The following SLC35F4 variants were observed in gnomAD, a reference collection of about 807,000 sequenced individuals.
SLC35F4 encodes the protein solute carrier family 35 member F4, also known as chromosome 14 open reading frame 36.
In SLC35F4, 24 loss-of-function variants were observed where a neutral mutation model predicts 44.2. The observed-to-expected ratio is 0.54, with a 90% CI of 0.39 to 0.76. SLC35F4 has a LOEUF of 0.76. Ranked by LOEUF, SLC35F4 falls within the 30% of genes least tolerant of loss-of-function variation. The pLI is 0.00. For missense variants in SLC35F4, 562 were observed against 586.1 expected, an observed-to-expected ratio of 0.96 and a Z score of 0.42; for synonymous variants, 238 against 223.6, an observed-to-expected ratio of 1.06 and a Z score of -0.57.
chr14:57,719,079 T>A (rs548666638), intron 1 of SLC35F4, among the ~76,000 whole-genome samples: 71 of 152,338 alleles, frequency 4.7e-4, no homozygotes, highest in African/African-American at 1.6e-3. Flanking sequence ...CTCAGCAGCA[T>A]TGATTGAAAA....
At chr14:57,585,330 A>AC (rs1354090468) in intron 3 of SLC35F4, among the ~76,000 whole-genome samples, 2 of 152,140 alleles carry the variant, frequency 1.3e-5, no homozygotes, top group Non-Finnish European at 1.5e-5. Flanking sequence ...TATGGATGGA[A>AC]CGTATCTATC....
chr14:57,755,900 C>T (rs1334841852), intron 1 of SLC35F4, among the ~76,000 whole-genome samples: 3 of 152,214 alleles, frequency 2.0e-5, no homozygotes, highest in African/African-American at 7.2e-5. Context: ...GGAGGCCAGG[C>T]TAGACTCCAT....
At chr14:57,872,503 T>C (rs1448660483) in intron 1 of SLC35F4, among the ~76,000 whole-genome samples, 5 of 152,182 alleles carry the variant, frequency 3.3e-5, no homozygotes, top group African/African-American at 1.2e-4. Flanking sequence ...TTGTCATTGA[T>C]TCACCTAGAC....
At chr14:57,945,129 A>G in intron 1 of SLC35F4, among the ~76,000 whole-genome samples, 1 of 152,196 alleles carries the variant, frequency 6.6e-6, no homozygotes, top group East Asian at 1.9e-4. Flanking sequence ...GCAAAGCCCT[A>G]TTCCCAAATA....
chr14:57,617,189 G>A (rs563895108), intron 1 of SLC35F4, among the ~76,000 whole-genome samples: 34 of 144,158 alleles, frequency 2.4e-4, no homozygotes, highest in African/African-American at 8.2e-4. Context: ...GGAGTGCAGC[G>A]GTGTGATCTC....
In SLC35F4 at chr14:57,703,080, A is replaced by T. The variant is rs181167854; in HGVS notation, c.104-108956T>A. On this transcript the variant is annotated intron_variant, in intron 1 of 7. Transcript: ENST00000556826. ...CTTCTGCTAAGCCAGATGGCACGGC[A>T]GAATAATAGGAAACTAGAACTTTAG... Among the ~76,000 whole-genome samples the T allele has an allele frequency of 1.7e-4, 26 of 152,302 alleles. No homozygotes were observed. The East Asian group carries it at 4.8e-3, about 28-fold the overall frequency.
intron 1 of SLC35F4, among the ~76,000 whole-genome samples, chr14:57,647,295 T>C (rs1749538032): frequency 6.6e-6 from 1 of 152,106 alleles, no homozygotes; most frequent in African/African-American, 2.4e-5. Context: ...GCTTTATGAA[T>C]CTGGGTCCTC....
intron 1 of SLC35F4, among the ~76,000 whole-genome samples, chr14:57,905,749 A>T (rs1276392125): frequency 6.6e-6 from 1 of 152,188 alleles, no homozygotes; most frequent in African/African-American, 2.4e-5. Context: ...TTAAAGAAAG[A>T]TGCTTTTACA....
At chr14:57,879,685 T>A (rs149366185) in intron 1 of SLC35F4, among the ~76,000 whole-genome samples, 3 of 152,264 alleles carry the variant, frequency 2.0e-5, no homozygotes, top group Non-Finnish European at 4.4e-5. Context: ...CATTAAAACC[T>A]TTAATGAGTT....
intron 1 of SLC35F4, among the ~76,000 whole-genome samples, chr14:57,665,732 T>G (rs1181818126): frequency 6.6e-6 from 1 of 152,202 alleles, no homozygotes; most frequent in African/African-American, 2.4e-5. Context: ...TCGATCTAAA[T>G]GTCCACCAAT....
intron 1 of SLC35F4, among the ~76,000 whole-genome samples, chr14:57,836,309 G>A (rs1043692238): frequency 3.3e-5 from 5 of 152,034 alleles, no homozygotes; most frequent in African/African-American, 9.7e-5. Context: ...TTGATTGATT[G>A]ATTTGAGATG....
intron 1 of SLC35F4, among the ~76,000 whole-genome samples, chr14:57,853,997 A>G (rs11848706): frequency 0.082 from 12,429 of 152,316 alleles, 564 homozygotes; most frequent in Middle Eastern, 0.15. Context: ...CTCAAATGGC[A>G]TAGAACCAGC....
intron 1 of SLC35F4, chr14:57,596,864 G>C: frequency 7.3e-7 from 1 of 1,367,604 alleles, no homozygotes; most frequent in Non-Finnish European, 9.8e-7. Context: ...CCACTGGTCA[G>C]TTTGTGGAAG....
At chr14:57,923,666 G>A (rs541389625) in intron 1 of SLC35F4, among the ~76,000 whole-genome samples, 3 of 152,116 alleles carry the variant, frequency 2.0e-5, no homozygotes, top group Non-Finnish European at 4.4e-5. Context: ...TCTCTCTCCT[G>A]TTCCCTAGTT....
At chr14:57,870,351 T>A (rs1236840612), upstream of SLC35F4, among the ~76,000 whole-genome samples, 1 of 152,198 alleles carries the variant, frequency 6.6e-6, no homozygotes, top group Non-Finnish European at 1.5e-5. Context: ...TGGAGCAGAC[T>A]GCCAGGAGTC....
intron 1 of SLC35F4, among the ~76,000 whole-genome samples, chr14:57,741,657 C>T (rs2076612117): frequency 6.6e-6 from 1 of 152,174 alleles, no homozygotes; most frequent in Non-Finnish European, 1.5e-5. Flanking sequence ...AGTTGGAAAA[C>T]ACTCAGCAGG....
chr14:57,696,417 A>G (rs968020891), intron 1 of SLC35F4, among the ~76,000 whole-genome samples: 7 of 152,238 alleles, frequency 4.6e-5, no homozygotes, highest in African/African-American at 1.7e-4. Flanking sequence ...TTGGGAAACA[A>G]CAGATGCTGG....
chr14:57,781,929 G>A (rs1398591780), intron 1 of SLC35F4, among the ~76,000 whole-genome samples: 1 of 152,134 alleles, frequency 6.6e-6, no homozygotes. Flanking sequence ...AGGTTGGGAG[G>A]AGGGAGAAGA....
intron 1 of SLC35F4, among the ~76,000 whole-genome samples, chr14:57,921,280 A>T (rs1889437568): frequency 6.6e-6 from 1 of 152,192 alleles, no homozygotes; most frequent in African/African-American, 2.4e-5. Context: ...GAGGGATAAG[A>T]AGGCAGGAAA....
Sources: allele counts gnomAD v4.1 joint callset (sites outside exome capture counted in the v4.1 genomes callset), GRCh38; gene constraint gnomAD v4.1.1; transcripts MANE v1.5; gene names NCBI Gene and HGNC (gene_info 2026-07-23, HGNC 2026-07-21).